Variants in NMT1 observed in about 807,000 individuals in gnomAD.
NMT1 encodes the protein glycylpeptide N-tetradecanoyltransferase 1.
In NMT1, 12 loss-of-function variants were observed where a neutral mutation model predicts 63.4. The observed-to-expected ratio is 0.19, with a 90% CI of 0.12 to 0.31. The LOEUF (loss-of-function observed/expected upper bound fraction) is 0.31. Among genes scored for constraint, NMT1 ranks in the 10% least tolerant of loss-of-function variants. The pLI is 1.00. For synonymous variants in NMT1, 228 were observed against 234.3 expected (o/e 0.97, Z 0.25); for missense variants, 432 against 634.6 (o/e 0.68, Z 3.43).
In NMT1 at chr17:45,098,394, G is replaced by A; in HGVS notation, c.726G>A (p.Met242Ile). The change falls in exon 7 of 12, where the codon ATG becomes ATA. Residue 242 changes from methionine to isoleucine, a missense_variant. Physicochemically the swap from Met to Ile is conservative, Grantham distance 10 (BLOSUM62 1). Coordinates refer to ENST00000258960, the MANE Select transcript of NMT1 (RefSeq NM_021079.5). ...NIHIYDTEKKMVEINFLCVHK... is the reference protein window; with the variant it reads ...NIHIYDTEKKIVEINFLCVHK... The stretch of plus-strand genomic sequence containing the variant: ...TTCCCCCTCTTAGAGAGAAGAAGAT[G>A]GTAGAGATCAACTTCCTGTGTGTCC... 6.2e-7 allele frequency: 1 copy of A among 1,614,052 alleles called. No individual in the cohort carries two copies. The highest frequency in any genetic ancestry group is 8.5e-7 in the Non-Finnish European group (1 of 1,179,942).
At chr17:45,067,090 TGAGAG>T (rs1343446273) in intron 1 of NMT1, among the ~76,000 whole-genome samples, 1 of 152,024 alleles carries the variant, frequency 6.6e-6, no homozygotes, top group Non-Finnish European at 1.5e-5. Flanking sequence ...CCTGAACAAT[TGAGAG>T]GAGAGTCAGA....
intron 4 of NMT1, 112 bp from the exon 5 acceptor site, chr17:45,096,082 G>A (rs1358623844): frequency 6.6e-6 from 5 of 763,048 alleles, no homozygotes; most frequent in Middle Eastern, 2.4e-4. Context: ...GAGACTCCAC[G>A]TCGTTTTTGG....
intron 5 of NMT1, 109 bp from the exon 6 acceptor site, chr17:45,097,019 C>A (rs2054128876): frequency 1.3e-6 from 1 of 770,902 alleles, no homozygotes; most frequent in African/African-American, 1.7e-5. Flanking sequence ...AGCTATTAAC[C>A]CTCAGGGAGG....
rs901665795 is a variant in NMT1 at position 45,103,115 on chromosome 17, G to C, written c.1158G>C (p.Val386=). The C allele has an allele frequency of 6.2e-7, 1 of 1,607,618 alleles. No individual in the cohort carries two copies. Among genetic ancestry groups the C allele is most frequent in the Non-Finnish European group, 8.5e-7 (1 of 1,174,570 alleles). The part of the protein sequence containing the change: ...YPQENIIDTF[V]VENANGEVTD... The stretch of plus-strand genomic sequence containing the variant: ...AGGAGAATATCATCGACACTTTCGT[G>C]GTGGAGGTGAGTCAGGGAGTGGTGT... The change falls in exon 9 of 12, where the codon GTG becomes GTC. Residue 386 remains valine (V), a synonymous_variant. Transcript: ENST00000258960. The surrounding 1 kb of genome is among the most constrained non-coding windows in gnomAD (Gnocchi z 4.8).
chr17:45,063,457 G>A (rs1225906623), intron 1 of NMT1, among the ~76,000 whole-genome samples: 1 of 151,234 alleles, frequency 6.6e-6, no homozygotes, highest in Admixed American at 6.6e-5. Flanking sequence ...GAATGTGAAA[G>A]TCATTCCAGA....
At chr17:45,090,807 T>C (rs1038419613) in intron 3 of NMT1, among the ~76,000 whole-genome samples, 1 of 152,104 alleles carries the variant, frequency 6.6e-6, no homozygotes, top group Non-Finnish European at 1.5e-5. Flanking sequence ...TCCTTAGTCA[T>C]TTATTGGTTC....
At chr17:45,071,334 A>G (rs1044957801) in intron 1 of NMT1, 7 of 152,200 alleles carry the variant, frequency 4.6e-5, no homozygotes, top group African/African-American at 1.7e-4. Context: ...GACTGGGACT[A>G]CAGGCTAATT....
chr17:45,088,595 A>G (rs1432829578), intron 3 of NMT1, among the ~76,000 whole-genome samples: 3 of 152,172 alleles, frequency 2.0e-5, no homozygotes, highest in Non-Finnish European at 4.4e-5. Context: ...TCTCTACTAA[A>G]AATACAAAAA....
In NMT1 at chr17:45,099,525, C is replaced by G; in HGVS notation, c.993+12C>G. On this transcript the variant is annotated intron_variant, in intron 8 of 11. Transcript: ENST00000258960. Reference sequence around the variant, plus strand: ...ACCGACTGCCAGAGGCCAGTGCTGCCCCGGGTGGTGGGCAGGGGGCAGAGA... The same window carrying G: ...ACCGACTGCCAGAGGCCAGTGCTGCGCCGGGTGGTGGGCAGGGGGCAGAGA... 2 of 1,594,386 alleles carry G rather than the reference C, an allele frequency of 1.3e-6. No homozygotes were observed. The highest frequency in any genetic ancestry group is 1.3e-5 in the African/African-American group (1 of 74,668).
intron 1 of NMT1, among the ~76,000 whole-genome samples, chr17:45,065,640 A>AAG (rs1414380964): frequency 1.3e-5 from 2 of 151,272 alleles, no homozygotes; most frequent in Non-Finnish European, 1.5e-5. Context: ...AAAAAAAAAA[A>AAG]AAAAGAAATA....
At chr17:45,100,387 A>C (rs1485417708) in intron 8 of NMT1, among the ~76,000 whole-genome samples, 2 of 151,480 alleles carry the variant, frequency 1.3e-5, no homozygotes, top group African/African-American at 4.9e-5. Context: ...TAACACGGTG[A>C]AACCCCGTCT....
At chr17:45,088,002 C>T (rs575688471) in intron 3 of NMT1, among the ~76,000 whole-genome samples, 86 of 152,332 alleles carry the variant, frequency 5.6e-4, no homozygotes, top group African/African-American at 1.9e-3. Flanking sequence ...GGATTTCTGT[C>T]CACTTTGAAA....
rs2054189982 is a variant in NMT1, at chr17:45,104,403, C to G, written c.1333-456C>G. The G allele has an allele frequency of 8.9e-7, 1 of 1,120,068 alleles. No homozygotes were observed. 69.4% of individuals were successfully genotyped at this position (1,120,068 alleles called of 1,614,324 possible). On this transcript the variant is annotated intron_variant, in intron 10 of 11. Transcript: ENST00000258960. The surrounding 1 kb of genome is among the most constrained non-coding windows in gnomAD (Gnocchi z 4.2). ...GGTTTAGGAAGCATCTTCACAGTCT[C>G]CAAGCAACACAGCAGGTGTCATACA...
chr17:45,086,683 CAG>C, intron 3 of NMT1, 31 bp downstream of exon 3: 1 of 1,584,064 alleles, frequency 6.3e-7, no homozygotes, highest in Non-Finnish European at 8.6e-7. Flanking sequence ...TTTGCCAGGT[CAG>C]GGGCGAGGGA....
Position 45,105,627 on chromosome 17 carries a change from G to C in NMT1, c.1479G>C (p.Leu493=). 1 of 1,613,322 alleles carries C rather than the reference G, an allele frequency of 6.2e-7. No homozygotes were observed. Among genetic ancestry groups the C allele is most frequent in the Non-Finnish European group, 8.5e-7 (1 of 1,179,832 alleles). Reference sequence around the variant, plus strand: ...CCTGTTGGCTTTCCTAGGTTGGACTGGTGCTACAATAACCAGTCACCAGTG... The same window carrying C: ...CCTGTTGGCTTTCCTAGGTTGGACTCGTGCTACAATAACCAGTCACCAGTG... The part of the protein sequence containing the change: ...CPSMGAEKVG[L]VLQ Residue 493 remains leucine, a synonymous_variant, in exon 12 of 12, where the codon CTG becomes CTC. Transcript: ENST00000258960. The surrounding 1 kb of genome is among the most constrained non-coding windows in gnomAD (Gnocchi z 4.2).
intron 1 of NMT1, chr17:45,071,413 T>C (rs1470564023): frequency 6.6e-6 from 1 of 152,180 alleles, no homozygotes; most frequent in African/African-American, 2.4e-5. Flanking sequence ...TCCTGTCTTT[T>C]TGTTTTTCAG....
chr17:45,102,462 T>C (rs2143522161), intron 8 of NMT1, among the ~76,000 whole-genome samples: 1 of 152,320 alleles, frequency 6.6e-6, no homozygotes, highest in Middle Eastern at 3.4e-3. Context: ...TGTAATAGTG[T>C]CTGGGTGGGC....
chr17:45,078,904 C>T (rs2053994732), intron 1 of NMT1, among the ~76,000 whole-genome samples: 1 of 151,782 alleles, frequency 6.6e-6, no homozygotes, highest in Non-Finnish European at 1.5e-5. Flanking sequence ...CTCAAGTGAT[C>T]CGCCTGCCTT....
At chr17:45,102,058 G>C (rs1336651612) in intron 8 of NMT1, among the ~76,000 whole-genome samples, 3 of 152,234 alleles carry the variant, frequency 2.0e-5, no homozygotes, top group African/African-American at 7.2e-5. Context: ...AGGTATCATT[G>C]TGGGAGCTGC....
Sources: allele counts gnomAD v4.1 joint callset (sites outside exome capture counted in the v4.1 genomes callset), GRCh38; gene constraint gnomAD v4.1.1; non-coding constraint Gnocchi (gnomAD v3.1); transcripts MANE v1.5; gene names NCBI Gene and HGNC (gene_info 2026-07-23, HGNC 2026-07-21).